Variants in B3GALT1 observed in about 807,000 individuals in gnomAD.
The protein encoded by B3GALT1 is beta-1,3-galactosyltransferase 1, also known as UDP-Gal:betaGlcNAc beta 1,3-galactosyltransferase, polypeptide 1.
Under a neutral mutation model 23.2 loss-of-function variants are expected in B3GALT1, and 10 were observed. The ratio of observed to expected loss-of-function variants is 0.43; its 90% CI spans 0.27 to 0.73. The LOEUF (loss-of-function observed/expected upper bound fraction) is 0.73, where lower values mean the gene tolerates loss of function less well. Ranked by LOEUF, B3GALT1 falls within the 30% of genes least tolerant of loss-of-function variation. The pLI is 0.21. For missense variants in B3GALT1, 299 were observed against 405.4 expected (o/e 0.74, Z 2.25); for synonymous variants, 156 against 141.5 (o/e 1.10, Z -0.73).
intron 3 of B3GALT1, among the ~76,000 whole-genome samples, chr2:167,748,771 T>C (rs1201755895): frequency 1.3e-5 from 2 of 152,180 alleles, no homozygotes; most frequent in African/African-American, 4.8e-5. Flanking sequence ...AAGGAGTCTG[T>C]GGGAGAAAGG....
chr2:167,779,968 A>T (rs1430557111), intron 3 of B3GALT1, among the ~76,000 whole-genome samples: 1 of 152,336 alleles, frequency 6.6e-6, no homozygotes, highest in East Asian at 1.9e-4. Flanking sequence ...GTATATCAAA[A>T]TGTCAATGTG....
chr2:167,773,435 T>TATAGTTTATGG (rs1197394549), intron 3 of B3GALT1, among the ~76,000 whole-genome samples: 2 of 152,172 alleles, frequency 1.3e-5, no homozygotes, highest in Non-Finnish European at 2.9e-5. Context: ...ACTAGATCAC[T>TATAGTTTATGG]TTTACAAAAG....
intron 3 of B3GALT1, among the ~76,000 whole-genome samples, chr2:167,798,674 T>C (rs1222865136): frequency 2.6e-5 from 4 of 152,230 alleles, no homozygotes; most frequent in African/African-American, 9.6e-5. Context: ...CATGCTGTTT[T>C]GGTTACTGTA....
intron 2 of B3GALT1, among the ~76,000 whole-genome samples, chr2:167,567,200 A>C (rs1684188120): frequency 6.6e-6 from 1 of 152,152 alleles, no homozygotes; most frequent in African/African-American, 2.4e-5. Flanking sequence ...TAGAACAGTG[A>C]CTGGTGATTA....
intron 3 of B3GALT1, among the ~76,000 whole-genome samples, chr2:167,723,329 G>A (rs1265100790): frequency 6.6e-6 from 1 of 152,142 alleles, no homozygotes; most frequent in Non-Finnish European, 1.5e-5. Flanking sequence ...AACTAAAGAG[G>A]AGTGAAACTA....
At chr2:167,804,969 C>T (rs1688721401) in intron 3 of B3GALT1, among the ~76,000 whole-genome samples, 1 of 152,328 alleles carries the variant, frequency 6.6e-6, no homozygotes, top group African/African-American at 2.4e-5. Flanking sequence ...CCTATTTCTG[C>T]ACATCCTCTC....
intron 1 of B3GALT1, among the ~76,000 whole-genome samples, chr2:167,373,268 T>C (rs2105271038): frequency 6.6e-6 from 1 of 152,214 alleles, no homozygotes; most frequent in Admixed American, 6.5e-5. Context: ...AGTATGAAGC[T>C]ACTAGATGAA....
intron 2 of B3GALT1, among the ~76,000 whole-genome samples, chr2:167,511,639 G>T (rs746359460): frequency 1.7e-4 from 26 of 151,930 alleles, no homozygotes; most frequent in Non-Finnish European, 2.2e-4. Context: ...ATACCAAAAG[G>T]ATATATTTTT....
At chr2:167,670,837 T>G (rs1034192131) in intron 3 of B3GALT1, among the ~76,000 whole-genome samples, 3 of 152,108 alleles carry the variant, frequency 2.0e-5, no homozygotes, top group African/African-American at 7.2e-5. Context: ...GACAAGTCAC[T>G]ATTCAATCAG....
At chr2:167,503,700 G>T (rs1240079521) in intron 2 of B3GALT1, among the ~76,000 whole-genome samples, 1 of 151,958 alleles carries the variant, frequency 6.6e-6, no homozygotes, top group Non-Finnish European at 1.5e-5. Flanking sequence ...CTTCATATCA[G>T]CACTGACCAC....
intron 1 of B3GALT1, among the ~76,000 whole-genome samples, chr2:167,435,605 G>A (rs1698772680): frequency 6.6e-6 from 1 of 151,870 alleles, no homozygotes; most frequent in Admixed American, 6.6e-5. Context: ...ACTCTACCTG[G>A]GCAAACAAGA....
chr2:167,479,478 T>G (rs1699532271), intron 1 of B3GALT1, among the ~76,000 whole-genome samples: 1 of 152,162 alleles, frequency 6.6e-6, no homozygotes, highest in Admixed American at 6.5e-5. Context: ...AGCATATATT[T>G]TGAATGTATT....
rs67259033 is a variant in B3GALT1, at chr2:167,739,938, AC to A, written c.-351-78733del. Among the ~76,000 whole-genome samples, 263 of 106,492 alleles carry A rather than the reference AC, an allele frequency of 2.5e-3. 5 individuals are homozygous for A. Among genetic ancestry groups the A allele is most frequent in the Admixed American group, 4.8e-3 (51 of 10,726 alleles). The allele number at this position is 106,492 out of a possible 152,430, so 69.9% of individuals were successfully genotyped here. ...AGAAGTTGTCTCTACAAAAAAACAA[AC>A]AAAAAAAAAAAAATCTAGGCGTGGT... On this transcript the variant is annotated intron_variant, in intron 3 of 4. Transcript: ENST00000392690.
chr2:167,866,460 C>T (rs927773660), intron 4 of B3GALT1, among the ~76,000 whole-genome samples: 9 of 152,208 alleles, frequency 5.9e-5, no homozygotes, highest in South Asian at 2.1e-4. Flanking sequence ...CACATACAAC[C>T]GGCACTCAAT....
rs1455633205 is a variant in B3GALT1 at position 167,441,183 on chromosome 2, A to G, written c.-510-48994A>G. Among the ~76,000 whole-genome samples the G allele has an allele frequency of 3.9e-5, 6 of 152,186 alleles. No homozygotes were observed. In the South Asian group the frequency reaches 6.2e-4, roughly 16 times the overall value. On this transcript the variant is annotated intron_variant, in intron 1 of 4. Coordinates refer to ENST00000392690, the MANE Select transcript of B3GALT1 (RefSeq NM_020981.4). ...CATGACTAGTTCACATTCAAGGTTC[A>G]TGAAGAGATCCAAAAGTTGCCTGGG...
rs1553463272 is a variant in B3GALT1 at position 167,512,591 on chromosome 2, T to TGTATATATATATGTATATATATATAC, written c.-410+22316_-410+22317insATATATATATGTATATATATATACGT. ...ATGTATATATATATGTATATATATA[T>TGTATATATATATGTATATATATATAC]GTGTATATATATATATGTATATATA... On this transcript the variant is annotated intron_variant, in intron 2 of 4. Coordinates refer to ENST00000392690, the MANE Select transcript of B3GALT1 (RefSeq NM_020981.4). 1.4e-4 allele frequency among the ~76,000 whole-genome samples: 6 copies of TGTATATATATATGTATATATATATAC among 41,858 alleles called. 2 individuals are homozygous for TGTATATATATATGTATATATATATAC. The highest frequency in any genetic ancestry group is 2.4e-4 in the Non-Finnish European group (6 of 25,264). 27.5% of individuals were successfully genotyped at this position (41,858 alleles called of 152,430 possible). A position where few individuals can be genotyped will look rare whatever the true frequency, so the allele number is the denominator to read the frequency against.
Position 167,757,695 on chromosome 2 carries a change from G to GTA in B3GALT1, c.-351-60966_-351-60965dup, listed in dbSNP as rs886713101. On this transcript the variant is annotated intron_variant, in intron 3 of 4. Transcript: ENST00000392690. ...CCCCCCTCTTATCTAGGTCATATAT[G>GTA]TATATATATATAAAGGTCAGCCTAT... Among the ~76,000 whole-genome samples, 7 of 151,922 alleles carry GTA rather than the reference G, an allele frequency of 4.6e-5. No individual in the cohort carries two copies. In the East Asian group the frequency reaches 5.8e-4, roughly 13 times the overall value.
intron 1 of B3GALT1, among the ~76,000 whole-genome samples, chr2:167,411,593 G>C (rs1339946587): frequency 6.6e-6 from 1 of 152,090 alleles, no homozygotes; most frequent in Non-Finnish European, 1.5e-5. Flanking sequence ...TGTAGAAAAG[G>C]GGAACCCTCA....
At chr2:167,496,494 AAAAGAG>A (rs1261891597) in intron 2 of B3GALT1, among the ~76,000 whole-genome samples, 1 of 152,200 alleles carries the variant, frequency 6.6e-6, no homozygotes. Context: ...GTTGGCAGTG[AAAAGAG>A]AAAGAAGGTA....
Sources: allele counts gnomAD v4.1 joint callset (sites outside exome capture counted in the v4.1 genomes callset), GRCh38; gene constraint gnomAD v4.1.1; transcripts MANE v1.5; gene names NCBI Gene and HGNC (gene_info 2026-07-23, HGNC 2026-07-21).